Variants in RGS9 observed in about 807,000 individuals in gnomAD.
RGS9 encodes regulator of G protein signaling 9.
RGS9 carries 78 observed loss-of-function variants against 102.0 expected under a neutral mutation model. That is an observed-to-expected ratio of 0.76 (90% CI 0.64 to 0.92). RGS9 has a LOEUF of 0.92. RGS9 is among the 40% of genes least tolerant of loss of function. The pLI is 0.00. For synonymous variants in RGS9, 353 were observed against 318.6 expected, an observed-to-expected ratio of 1.11 and a Z score of -1.15; for missense variants, 833 against 866.1, an observed-to-expected ratio of 0.96 and a Z score of 0.48.
intron 18 of RGS9, among the ~76,000 whole-genome samples, chr17:65,226,774 G>A (rs1054739433): frequency 2.6e-5 from 4 of 152,128 alleles, no homozygotes; most frequent in Non-Finnish European, 4.4e-5. Flanking sequence ...CACCACGCCC[G>A]GCTAATTTTT....
chr17:65,192,986 C>T (rs184508958), intron 11 of RGS9, among the ~76,000 whole-genome samples: 4 of 151,792 alleles, frequency 2.6e-5, no homozygotes, highest in East Asian at 1.9e-4. Flanking sequence ...ACAGAAAGGC[C>T]GGGCATGGTG....
intron 11 of RGS9, among the ~76,000 whole-genome samples, chr17:65,191,851 T>C (rs1163416616): frequency 6.6e-6 from 1 of 152,218 alleles, no homozygotes; most frequent in Non-Finnish European, 1.5e-5. Flanking sequence ...CCAGTGCTTG[T>C]CTCTAAGGTA....
intron 18 of RGS9, 99 bp downstream of exon 18, chr17:65,225,585 G>GGC: frequency 6.4e-7 from 1 of 1,560,214 alleles, no homozygotes; most frequent in South Asian, 1.1e-5. Context: ...ACTGGGATGG[G>GGC]TGAGAACAGA....
intron 17 of RGS9, among the ~76,000 whole-genome samples, chr17:65,213,591 G>A (rs1034394201): frequency 2.6e-5 from 4 of 151,866 alleles, no homozygotes; most frequent in African/African-American, 7.3e-5. Context: ...TGGTGGTGTG[G>A]GCATCGCATG....
In RGS9 at chr17:65,141,736, G is replaced by C. The variant is rs77217472; in HGVS notation, c.57+4139G>C. 5.1e-3 allele frequency among the ~76,000 whole-genome samples: 775 copies of C among 152,272 alleles called. 5 individuals carry two copies. Among genetic ancestry groups the C allele is most frequent in the African/African-American group, 0.017 (716 of 41,540 alleles). ...AGTGGTCAGTTCTACCTGGGGTCAGGGGGGATCAGGACAGATTTTACAAGG... is the reference window on the plus strand; with the variant it reads ...AGTGGTCAGTTCTACCTGGGGTCAGCGGGGATCAGGACAGATTTTACAAGG... On this transcript the variant is annotated intron_variant, in intron 1 of 18. Coordinates refer to ENST00000262406, the MANE Select transcript of RGS9 (RefSeq NM_003835.4).
At chr17:65,161,642 G>C (rs1413852987) in intron 6 of RGS9, among the ~76,000 whole-genome samples, 1 of 151,996 alleles carries the variant, frequency 6.6e-6, no homozygotes, top group African/African-American at 2.4e-5. Context: ...ACACATGCTA[G>C]CCCTCAAAAG....
chr17:65,189,493 G>A (rs1379180302), intron 10 of RGS9, among the ~76,000 whole-genome samples, 178 bp downstream of exon 10: 1 of 152,180 alleles, frequency 6.6e-6, no homozygotes, highest in Non-Finnish European at 1.5e-5. Context: ...AGCTCTGGCT[G>A]GGGCTGGGGC....
chr17:65,212,973 A>T (rs1023317316), intron 17 of RGS9, among the ~76,000 whole-genome samples: 1 of 152,338 alleles, frequency 6.6e-6, no homozygotes, highest in South Asian at 2.1e-4. Context: ...AATGAATGAA[A>T]GAATGAATGA....
chr17:65,204,865 G>T (rs1160688458), intron 15 of RGS9, among the ~76,000 whole-genome samples: 1 of 152,190 alleles, frequency 6.6e-6, no homozygotes, highest in Non-Finnish European at 1.5e-5. Flanking sequence ...TAGTGGCTTG[G>T]TCAAGGTCTC....
intron 18 of RGS9, among the ~76,000 whole-genome samples, chr17:65,226,773 C>T (rs936152821): frequency 1.1e-4 from 16 of 152,098 alleles, no homozygotes; most frequent in Admixed American, 7.9e-4. Context: ...CCACCACGCC[C>T]GGCTAATTTT....
chr17:65,160,684 A>T, intron 5 of RGS9, 97 bp downstream of exon 5: 1 of 1,468,114 alleles, frequency 6.8e-7, no homozygotes, highest in African/African-American at 1.4e-5. Flanking sequence ...TGTCATCATG[A>T]CCTTTCTGTC....
Position 65,168,269 on chromosome 17 carries a change from G to C in RGS9, c.570G>C (p.Val190=), listed in dbSNP as rs115242212. 1,030 of 1,607,874 alleles carry C rather than the reference G, an allele frequency of 6.4e-4. 6 individuals carry two copies. The African/African-American group carries it at 0.013, about 20-fold the overall frequency. The change falls in exon 8 of 19, where the codon GTG becomes GTC. Residue 190 remains valine, a synonymous_variant. Coordinates refer to ENST00000262406, the MANE Select transcript of RGS9 (RefSeq NM_003835.4). ...GCCAGGAGAAGGCATACTGGCTGGT[G>C]CACCGATGCCCTGTGAGTATCCTCC... is the stretch of plus-strand genomic sequence containing the variant. ...LDCQEKAYWL[V]HRCPPGMDNV...
At chr17:65,224,409 T>C (rs1030229491) in intron 17 of RGS9, among the ~76,000 whole-genome samples, 3 of 152,178 alleles carry the variant, frequency 2.0e-5, no homozygotes, top group Admixed American at 1.3e-4. Flanking sequence ...ACCCCGGCTC[T>C]GCCTGAGGGG....
At chr17:65,226,206 C>A (rs114449507) in intron 18 of RGS9, among the ~76,000 whole-genome samples, 1,631 of 152,266 alleles carry the variant, frequency 0.011, 25 homozygotes, top group African/African-American at 0.038. Flanking sequence ...AACTTGTGAG[C>A]GATGCAACAC....
intron 4 of RGS9, 78 bp downstream of exon 4, chr17:65,160,417 T>C: frequency 6.4e-7 from 1 of 1,557,642 alleles, no homozygotes. Flanking sequence ...GTTTCACAGA[T>C]CAAGGACTTC....
chr17:65,186,320 G>A (rs905377337), intron 9 of RGS9, among the ~76,000 whole-genome samples: 1 of 143,518 alleles, frequency 7.0e-6, no homozygotes, highest in Non-Finnish European at 1.5e-5. Flanking sequence ...GGTCAGTCCC[G>A]CCTCCACCCC....
chr17:65,212,866 C>A (rs1913356707), intron 17 of RGS9, among the ~76,000 whole-genome samples: 1 of 152,172 alleles, frequency 6.6e-6, no homozygotes, highest in South Asian at 2.1e-4. Flanking sequence ...AACTGGGTGA[C>A]ACGAGAGGAG....
At chr17:65,137,986 T>C (rs770032073) in intron 1 of RGS9, among the ~76,000 whole-genome samples, 1 of 152,208 alleles carries the variant, frequency 6.6e-6, no homozygotes, top group Non-Finnish European at 1.5e-5. Context: ...TTAAAGTGTG[T>C]GTGTGTGTAC....
intron 17 of RGS9, among the ~76,000 whole-genome samples, chr17:65,221,534 T>G (rs1913707090): frequency 6.6e-6 from 1 of 152,218 alleles, no homozygotes; most frequent in African/African-American, 2.4e-5. Flanking sequence ...CAGGTTCTCA[T>G]TTAGTCACTG....
Sources: gnomAD v4.1 joint callset for allele counts (sites outside exome capture counted in the v4.1 genomes callset) on GRCh38, gnomAD v4.1.1 for gene constraint, MANE v1.5 for transcripts, NCBI Gene and HGNC (gene_info 2026-07-23, HGNC 2026-07-21) for gene names.